The following AGMO variants were observed in gnomAD, a reference collection of about 807,000 sequenced individuals.
AGMO encodes the protein alkylglycerol monooxygenase, also known as glyceryl-ether monooxygenase.
In AGMO, 75 loss-of-function variants were observed where a neutral mutation model predicts 60.2. The ratio of observed to expected loss-of-function variants is 1.25; its 90% confidence interval spans 1.03 to 1.51. AGMO has a LOEUF of 1.51. Ranked by LOEUF, AGMO falls within the 40% of genes most tolerant of loss-of-function variation. The probability of loss-of-function intolerance (pLI) is 0.00; values close to 1 mark genes in which losing one functional copy is unlikely to be tolerated. For synonymous variants in AGMO, 261 were observed against 177.1 expected (o/e 1.47, Z -3.76); for missense variants, 763 against 525.5 (o/e 1.45, Z -4.42).
chr7:15,217,849 CTG>C (rs1781789538), intron 12 of AGMO, among the ~76,000 whole-genome samples: 1 of 151,894 alleles, frequency 6.6e-6, no homozygotes, highest in Non-Finnish European at 1.5e-5. Flanking sequence ...AAATGGCACA[CTG>C]TTAATTTATT....
At chr7:15,505,486 G>A (rs868335866) in intron 3 of AGMO, among the ~76,000 whole-genome samples, 7 of 152,100 alleles carry the variant, frequency 4.6e-5, no homozygotes, top group Middle Eastern at 3.4e-3. Context: ...CAAGCAGGGA[G>A]ATGTTATTCC....
intron 3 of AGMO, among the ~76,000 whole-genome samples, chr7:15,451,666 C>T (rs554073563): frequency 6.6e-6 from 1 of 151,864 alleles, no homozygotes; most frequent in Non-Finnish European, 1.5e-5. Context: ...GGGTTAAAGA[C>T]CTTAGTATAA....
intron 3 of AGMO, among the ~76,000 whole-genome samples, chr7:15,524,218 A>G (rs1784067992): frequency 6.6e-6 from 1 of 152,028 alleles, no homozygotes; most frequent in African/African-American, 2.4e-5. Context: ...GATTATATAT[A>G]CTTTTTTTTT....
At chr7:15,205,210 G>A (rs952660109) in intron 12 of AGMO, among the ~76,000 whole-genome samples, 5 of 152,140 alleles carry the variant, frequency 3.3e-5, no homozygotes, top group Admixed American at 6.5e-5. Context: ...GCAACCAGAA[G>A]AGAAAAGAAA....
At chr7:15,293,099 C>T (rs1297034892) in intron 12 of AGMO, among the ~76,000 whole-genome samples, 2 of 152,010 alleles carry the variant, frequency 1.3e-5, no homozygotes, top group Non-Finnish European at 1.5e-5. Context: ...TATTATTTAG[C>T]TTCAACAAAC....
chr7:15,307,157 C>A (rs1780639008), intron 12 of AGMO, among the ~76,000 whole-genome samples: 1 of 151,822 alleles, frequency 6.6e-6, no homozygotes, highest in Admixed American at 6.6e-5. Context: ...ATTATCCAGT[C>A]TAGTTATCTA....
At chr7:15,303,242 G>A (rs1476675068) in intron 12 of AGMO, among the ~76,000 whole-genome samples, 1 of 151,980 alleles carries the variant, frequency 6.6e-6, no homozygotes, top group Non-Finnish European at 1.5e-5. Flanking sequence ...TTTCAGAATG[G>A]TACATTCAAA....
At chr7:15,121,113 G>C in the AGMO span, among the ~76,000 whole-genome samples, 9 of 152,054 alleles carry the variant, frequency 5.9e-5, no homozygotes, top group African/African-American at 2.2e-4. Context: ...GAGGATGACG[G>C]CTTCCAGCTT....
At chr7:15,297,943 T>A (rs547908627) in intron 12 of AGMO, among the ~76,000 whole-genome samples, 1 of 152,328 alleles carries the variant, frequency 6.6e-6, no homozygotes, top group South Asian at 2.1e-4. Context: ...CTGAATTCAA[T>A]GTTCAAAAGA....
At chr7:15,323,868 T>A (rs935872735) in intron 12 of AGMO, among the ~76,000 whole-genome samples, 4 of 152,214 alleles carry the variant, frequency 2.6e-5, no homozygotes, top group African/African-American at 9.6e-5. Context: ...GTTTCTTTGC[T>A]TTCAGCTTGT....
chr7:15,372,316 T>C (rs182125552), intron 10 of AGMO, among the ~76,000 whole-genome samples: 8 of 152,170 alleles, frequency 5.3e-5, no homozygotes, highest in South Asian at 4.1e-4. Context: ...CCAGGCATGG[T>C]GGCACACACC....
intron 12 of AGMO, among the ~76,000 whole-genome samples, chr7:15,244,738 A>C (rs1450292138): frequency 6.6e-6 from 1 of 151,392 alleles, no homozygotes; most frequent in East Asian, 2.0e-4. Flanking sequence ...TGCAAGCTCC[A>C]CCTCCCGGGT....
intron 5 of AGMO, among the ~76,000 whole-genome samples, chr7:15,401,073 T>C (rs978896104): frequency 3.3e-5 from 5 of 152,158 alleles, no homozygotes; most frequent in African/African-American, 1.2e-4. Context: ...GATAAATTAA[T>C]TAAATGCTTA....
At chr7:15,535,699 A>C (rs898174803) in intron 3 of AGMO, among the ~76,000 whole-genome samples, 1 of 151,982 alleles carries the variant, frequency 6.6e-6, no homozygotes, top group African/African-American at 2.4e-5. Context: ...GGGGTACATG[A>C]GATATTTTGG....
At chr7:15,257,671 A>G (rs1783136895) in intron 12 of AGMO, among the ~76,000 whole-genome samples, 2 of 152,242 alleles carry the variant, frequency 1.3e-5, no homozygotes, top group East Asian at 1.9e-4. Context: ...CATATTACTT[A>G]TCAACATAAT....
chr7:15,363,184 G>A (rs1381791711), intron 12 of AGMO, among the ~76,000 whole-genome samples: 2 of 152,180 alleles, frequency 1.3e-5, no homozygotes, highest in African/African-American at 4.8e-5. Flanking sequence ...CAGATACAGT[G>A]TCAGGACCAA....
chr7:15,287,052 A>G (rs1415643857), intron 12 of AGMO, among the ~76,000 whole-genome samples: 1 of 152,126 alleles, frequency 6.6e-6, no homozygotes, highest in Non-Finnish European at 1.5e-5. Context: ...GAGTGGTATA[A>G]TGGACTTTGG....
intron 4 of AGMO, among the ~76,000 whole-genome samples, chr7:15,427,842 C>T (rs952565309): frequency 3.3e-5 from 5 of 152,040 alleles, no homozygotes; most frequent in Admixed American, 3.3e-4. Context: ...CAATAGCCCT[C>T]CTTGTTGGTG....
At chr7:15,390,807 TTTAA>T in intron 7 of AGMO, 29 bp downstream of exon 7, 1 of 1,586,088 alleles carries the variant, frequency 6.3e-7, no homozygotes, top group Non-Finnish European at 8.6e-7. Context: ...AAGGAGCTGA[TTTAA>T]TTTTTTGATT....
Sources: allele counts gnomAD v4.1 joint callset (sites outside exome capture counted in the v4.1 genomes callset), GRCh38; gene constraint gnomAD v4.1.1; transcripts MANE v1.5; gene names NCBI Gene and HGNC (gene_info 2026-07-23, HGNC 2026-07-21).